Variants in FREM2 observed in about 807,000 individuals in gnomAD.
FREM2 encodes the protein FRAS1-related extracellular matrix protein 2.
Under a neutral mutation model 219.9 loss-of-function variants are expected in FREM2, and 119 were observed. The observed-to-expected ratio is 0.54, with a 90% confidence interval of 0.47 to 0.63. The LOEUF (loss-of-function observed/expected upper bound fraction) is 0.63, where lower values mean the gene tolerates loss of function less well. Among genes scored for constraint, FREM2 ranks in the 30% least tolerant of loss-of-function variants. The pLI is 0.00. For synonymous variants in FREM2, 1,562 were observed against 1,522.8 expected (o/e 1.03, Z -0.60); for missense variants, 4,030 against 3,993.6 (o/e 1.01, Z -0.25).
chr13:38,804,972 T>A (rs975630607), intron 6 of FREM2, among the ~76,000 whole-genome samples: 2 of 152,164 alleles, frequency 1.3e-5, no homozygotes, highest in African/African-American at 2.4e-5. Context: ...TCTAGCCAAT[T>A]TTCCTCATTT....
At chr13:38,766,110 C>A (rs1873424124) in intron 3 of FREM2, among the ~76,000 whole-genome samples, 1 of 152,194 alleles carries the variant, frequency 6.6e-6, no homozygotes, top group Non-Finnish European at 1.5e-5. Flanking sequence ...AGTTCCCACT[C>A]CTGGTGAGTT....
chr13:38,763,845 A>G (rs1203433178), intron 2 of FREM2, among the ~76,000 whole-genome samples: 1 of 152,178 alleles, frequency 6.6e-6, no homozygotes, highest in Admixed American at 6.5e-5. Context: ...TTAAGTGGTT[A>G]TAATTAAAAC....
chr13:38,859,630 C>G (rs1877693095), intron 14 of FREM2, 40 bp downstream of exon 14: 3 of 1,550,150 alleles, frequency 1.9e-6, no homozygotes, highest in Non-Finnish European at 2.7e-6. Flanking sequence ...CACTGGAATA[C>G]TGTGCAATAT....
intron 2 of FREM2, among the ~76,000 whole-genome samples, chr13:38,748,197 T>C (rs1160748239): frequency 6.6e-6 from 1 of 152,222 alleles, no homozygotes; most frequent in Non-Finnish European, 1.5e-5. Context: ...GTAAATGTGG[T>C]CTGTCTGTGG....
At chr13:38,738,195 A>T (rs1428325527) in intron 2 of FREM2, among the ~76,000 whole-genome samples, 1 of 152,182 alleles carries the variant, frequency 6.6e-6, no homozygotes, top group Non-Finnish European at 1.5e-5. Flanking sequence ...GCAGGAAAAA[A>T]TAATGAGGAG....
At chr13:38,832,309 A>G (rs1221023597) in intron 6 of FREM2, among the ~76,000 whole-genome samples, 3 of 152,132 alleles carry the variant, frequency 2.0e-5, no homozygotes, top group Non-Finnish European at 4.4e-5. Flanking sequence ...CCATGCCTAA[A>G]TTATTTAAAA....
intron 5 of FREM2, among the ~76,000 whole-genome samples, chr13:38,783,692 T>C (rs1233524960): frequency 6.6e-6 from 1 of 152,226 alleles, no homozygotes; most frequent in African/African-American, 2.4e-5. Context: ...AAGTAGATTT[T>C]CTAAAAATGC....
chr13:38,734,041 G>C (rs1169821604), intron 2 of FREM2, among the ~76,000 whole-genome samples: 2 of 151,894 alleles, frequency 1.3e-5, no homozygotes, highest in Admixed American at 1.3e-4. Context: ...TGAAAGGAAA[G>C]CAATTGTTTA....
At chr13:38,875,492 T>C (rs143416106) in intron 18 of FREM2, among the ~76,000 whole-genome samples, 1 of 152,332 alleles carries the variant, frequency 6.6e-6, no homozygotes, top group African/African-American at 2.4e-5. Context: ...GATTTTCTGG[T>C]CTATACAGTT....
intron 18 of FREM2, 118 bp downstream of exon 18, chr13:38,874,704 T>G: frequency 1.3e-6 from 1 of 795,616 alleles, no homozygotes; most frequent in South Asian, 1.4e-5. Context: ...TCAAATGAAT[T>G]GTACATGTGG....
chr13:38,819,515 A>G (rs1165102426), intron 6 of FREM2, among the ~76,000 whole-genome samples: 1 of 152,162 alleles, frequency 6.6e-6, no homozygotes, highest in African/African-American at 2.4e-5. Flanking sequence ...AAATTCATGG[A>G]GTGTAAATTT....
chr13:38,840,082 G>T (rs1310991703), intron 6 of FREM2, among the ~76,000 whole-genome samples: 1 of 152,174 alleles, frequency 6.6e-6, no homozygotes, highest in Non-Finnish European at 1.5e-5. Context: ...GGCCCTGGTG[G>T]TATAGGCACC....
chr13:38,692,107 C>T lies in FREM2; in HGVS notation c.4763C>T (p.Pro1588Leu), dbSNP rs1869904293. 6.2e-7 allele frequency: 1 copy of T among 1,614,080 alleles called. No individual in the cohort carries two copies. The highest frequency in any genetic ancestry group is 8.5e-7 in the Non-Finnish European group (1 of 1,180,040). ...CATCTCCTATTCAACAATACCAGAC[C>T]TGTCATGGTTTTTACCAAGCAAGAC... ...HGHLLFNNTRPVMVFTKQDLN... is the reference protein window; with the variant it reads ...HGHLLFNNTRLVMVFTKQDLN... The change falls in exon 1 of 24, where the codon CCT (proline) becomes CTT (leucine). Residue 1588 changes from proline to leucine, a missense_variant. Coordinates refer to ENST00000280481, the MANE Select transcript of FREM2 (RefSeq NM_207361.6).
At chr13:38,721,359 A>G (rs1566117218) in intron 2 of FREM2, among the ~76,000 whole-genome samples, 1 of 152,114 alleles carries the variant, frequency 6.6e-6, no homozygotes. Context: ...TCAGAGATGG[A>G]GAGAAAGCCA....
At chr13:38,736,547 A>T (rs891874591) in intron 2 of FREM2, among the ~76,000 whole-genome samples, 1 of 152,182 alleles carries the variant, frequency 6.6e-6, no homozygotes, top group African/African-American at 2.4e-5. Flanking sequence ...TTACACACAA[A>T]TGTTTATTTA....
In FREM2 at chr13:38,704,255, G is replaced by A. The variant is rs147192088; in HGVS notation, c.5263+6468G>A. Among the ~76,000 whole-genome samples, 212 of 152,304 alleles carry A rather than the reference G, an allele frequency of 1.4e-3. 3 individuals carry two copies. The highest frequency in any genetic ancestry group is 1.2e-3 in the Non-Finnish European group (84 of 68,024). ...CACCATGTTTCAGGTGTCCATTGGG[G>A]TCTGAGAATACAGTGATGAATATTA... is the stretch of plus-strand genomic sequence containing the variant. On this transcript the variant is annotated intron_variant, in intron 2 of 23. Transcript: ENST00000280481.
intron 2 of FREM2, among the ~76,000 whole-genome samples, chr13:38,730,978 A>G (rs1566120509): frequency 6.6e-6 from 1 of 151,130 alleles, no homozygotes; most frequent in Non-Finnish European, 1.5e-5. Context: ...GCTGAGAAAT[A>G]TTAATGTTCT....
intron 2 of FREM2, among the ~76,000 whole-genome samples, chr13:38,700,774 G>A (rs1410605199): frequency 1.3e-5 from 2 of 152,014 alleles, no homozygotes; most frequent in South Asian, 2.1e-4. Flanking sequence ...TCAGGATAGG[G>A]ATAAGAGGGG....
intron 2 of FREM2, among the ~76,000 whole-genome samples, chr13:38,752,315 T>G (rs555386008): frequency 6.6e-6 from 1 of 152,336 alleles, no homozygotes; most frequent in Non-Finnish European, 1.5e-5. Flanking sequence ...TATATATGTC[T>G]TTTTAAGTCT....
Sources: allele counts gnomAD v4.1 joint callset (sites outside exome capture counted in the v4.1 genomes callset), GRCh38; gene constraint gnomAD v4.1.1; transcripts MANE v1.5; gene names NCBI Gene and HGNC (gene_info 2026-07-23, HGNC 2026-07-21).